TOP2B: variants seen among roughly 807,000 people sequenced by gnomAD.
TOP2B encodes DNA topoisomerase 2-beta.
TOP2B carries 51 observed loss-of-function variants against 193.5 expected under a neutral mutation model. The observed-to-expected ratio is 0.26, with a 90% CI of 0.21 to 0.33. The LOEUF is 0.33. Among genes scored for constraint, TOP2B ranks in the 10% least tolerant of loss-of-function variants. The pLI, the probability that TOP2B is intolerant of heterozygous loss-of-function variation, is 1.00. For synonymous variants in TOP2B, 634 were observed against 635.7 expected (o/e 1.00, Z 0.04); for missense variants, 1,378 against 1,909.3 (o/e 0.72, Z 5.19).
rs774212285 is a variant in TOP2B at position 25,627,196 on chromosome 3, G to A, written c.2007C>T (p.Ala669=). Residue 669 remains alanine (A), a synonymous_variant, in exon 16 of 36, where the codon GCC becomes GCT. Transcript: ENST00000264331. Reference sequence around the variant, plus strand: ...AAATTAACTTAATTACCAAGGTAATGGCAGCATCATCTTCAGGACCAGCAT... The same window carrying A: ...AAATTAACTTAATTACCAAGGTAATAGCAGCATCATCTTCAGGACCAGCAT... ...FRYAGPEDDA[A]ITLAFSKKKI... is the part of the protein sequence containing the mutation. 1.3e-6 allele frequency: 2 copies of A among 1,598,148 alleles called. No homozygotes were observed. The highest frequency in any genetic ancestry group is 1.7e-6 in the Non-Finnish European group (2 of 1,173,884).
chr3:25,620,598 C>A (rs1575569889), intron 22 of TOP2B, 84 bp downstream of exon 22: 1 of 1,452,982 alleles, frequency 6.9e-7, no homozygotes, highest in African/African-American at 1.4e-5. Context: ...ACGCTTAGGA[C>A]CAACAACGGT....
chr3:25,620,868 A>G (rs925431649), intron 21 of TOP2B, 52 bp from the exon 22 acceptor site: 8 of 1,581,730 alleles, frequency 5.1e-6, no homozygotes, highest in Non-Finnish European at 5.2e-6. Flanking sequence ...TACCAGTACC[A>G]TGAGTCTATG....
At chr3:25,636,931 A>C (rs929055843) in intron 6 of TOP2B, among the ~76,000 whole-genome samples, 1 of 152,066 alleles carries the variant, frequency 6.6e-6, no homozygotes, top group Non-Finnish European at 1.5e-5. Context: ...TTGCATGTAC[A>C]TGAGTCTGCG....
chr3:25,628,171 T>TA (rs11444499), intron 15 of TOP2B, among the ~76,000 whole-genome samples: 42,295 of 130,070 alleles, frequency 0.33, 6,678 homozygotes, highest in Admixed American at 0.42. Context: ...TAACATTATT[T>TA]AAAAAAAAAA....
At chr3:25,618,014 A>T (rs1702551010) in intron 25 of TOP2B, 1 of 166,338 alleles carries the variant, frequency 6.0e-6, no homozygotes. Context: ...AAACCAGATC[A>T]AGTGAGTGGT....
chr3:25,605,878 G>C (rs1450927694), intron 32 of TOP2B, among the ~76,000 whole-genome samples, 165 bp downstream of exon 32: 1 of 151,980 alleles, frequency 6.6e-6, no homozygotes, highest in African/African-American at 2.4e-5. Flanking sequence ...AATCACCTCA[G>C]AAAAAGTAAA....
chr3:25,650,543 G>C (rs1703557057), intron 1 of TOP2B, among the ~76,000 whole-genome samples: 1 of 152,182 alleles, frequency 6.6e-6, no homozygotes, highest in Non-Finnish European at 1.5e-5. Context: ...CTTTGCTCTT[G>C]TCTGCAGCTG....
At position 25,664,849 on chromosome 3, in the gene TOP2B, A is replaced by AGCCGCC. The variant is rs531285869; in HGVS notation, c.-558_-553dup. On this transcript the variant is annotated 5_prime_UTR_variant, in exon 1 of 36. Transcript: ENST00000264331. The stretch of plus-strand genomic sequence containing the variant: ...ACACACCGAGAGGGACAATAAACAG[A>AGCCGCC]GCCGCCGCCGCCGCCGCCACGGTCA... 116 of 989,654 alleles carry AGCCGCC rather than the reference A, an allele frequency of 1.2e-4. No homozygotes were observed. The highest frequency in any genetic ancestry group is 9.4e-4 in the African/African-American group (53 of 56,674). 61.3% of individuals were successfully genotyped at this position (989,654 alleles called of 1,614,324 possible).
At chr3:25,628,078 A>C (rs928135432) in intron 15 of TOP2B, among the ~76,000 whole-genome samples, 5 of 150,320 alleles carry the variant, frequency 3.3e-5, no homozygotes, top group African/African-American at 1.2e-4. Flanking sequence ...TTAAAAAAAA[A>C]CGAAATAAAA....
intron 21 of TOP2B, among the ~76,000 whole-genome samples, chr3:25,623,055 GGTGTGAGCCA>G (rs1702702260): frequency 6.6e-6 from 1 of 152,182 alleles, no homozygotes; most frequent in Non-Finnish European, 1.5e-5. Flanking sequence ...TGGAATTACA[GGTGTGAGCCA>G]CCACGCCCAG....
At chr3:25,600,571 A>G (rs541955161) in intron 34 of TOP2B, among the ~76,000 whole-genome samples, 1 of 152,020 alleles carries the variant, frequency 6.6e-6, no homozygotes, top group Non-Finnish European at 1.5e-5. Context: ...AGCTACCCTC[A>G]CAGCATGAGC....
At chr3:25,645,611 A>G (rs1389402987) in intron 1 of TOP2B, 141 bp from the exon 2 acceptor site, 5 of 650,092 alleles carry the variant, frequency 7.7e-6, no homozygotes, top group African/African-American at 3.7e-5. Flanking sequence ...ACACAGGTCT[A>G]TTTACTGACC....
At chr3:25,612,396 C>T (rs1481731217) in intron 28 of TOP2B, 119 bp downstream of exon 28, 10 of 713,064 alleles carry the variant, frequency 1.4e-5, no homozygotes, top group South Asian at 6.0e-5. Context: ...TTTCCTATTA[C>T]CATTGAAATA....
chr3:25,631,209 C>T (rs985175501), intron 10 of TOP2B, among the ~76,000 whole-genome samples: 9 of 152,066 alleles, frequency 5.9e-5, no homozygotes, highest in Admixed American at 4.6e-4. Context: ...ATATGCATTG[C>T]TCTTGTTACA....
intron 23 of TOP2B, among the ~76,000 whole-genome samples, chr3:25,619,168 A>C (rs536723929): frequency 1.2e-4 from 18 of 152,188 alleles, no homozygotes; most frequent in Admixed American, 2.6e-4. Context: ...ATTTTTCCCC[A>C]AACTGAAAAC....
In TOP2B at chr3:25,638,158, A is replaced by T. The variant is rs181062957; in HGVS notation, c.541+7T>A. ...ATTTTTCAACCAAAATTCCATTCAG[A>T]CTTTACCTGTAACTTTTTTCTCATC... is the stretch of plus-strand genomic sequence containing the variant. On this transcript the variant is annotated splice_region_variant and intron_variant, in intron 5 of 35. Transcript: ENST00000264331. 31 of 1,563,340 alleles carry T rather than the reference A, an allele frequency of 2.0e-5. No homozygotes were observed. In the Admixed American group the frequency reaches 5.5e-4, roughly 28 times the overall value.
rs143887840 is a variant in TOP2B at position 25,643,434 on chromosome 3, T to G, written c.331+260A>C. On this transcript the variant is annotated intron_variant, in intron 3 of 35. Transcript: ENST00000264331. ...CTAGCATATCCCAGATGACTACACATAGAGGAGTACAGACCAACTATGGGA... is the reference window on the plus strand; with the variant it reads ...CTAGCATATCCCAGATGACTACACAGAGAGGAGTACAGACCAACTATGGGA... 3.2e-3 allele frequency among the ~76,000 whole-genome samples: 481 copies of G among 152,246 alleles called. 1 individual carries two copies. The highest frequency in any genetic ancestry group is 4.7e-3 in the Admixed American group (72 of 15,300).
chr3:25,639,892 A>G (rs992791056), intron 4 of TOP2B, among the ~76,000 whole-genome samples: 5 of 152,226 alleles, frequency 3.3e-5, no homozygotes, highest in African/African-American at 1.2e-4. Flanking sequence ...TACTTTGTCC[A>G]TTAGCTATTA....
At chr3:25,648,660 A>G (rs1167199096) in intron 1 of TOP2B, among the ~76,000 whole-genome samples, 3 of 152,162 alleles carry the variant, frequency 2.0e-5, no homozygotes, top group Non-Finnish European at 4.4e-5. Context: ...GCTCAAAACC[A>G]GTCTGTGCAA....
Sources: gnomAD v4.1 joint callset for allele counts (sites outside exome capture counted in the v4.1 genomes callset) on GRCh38, gnomAD v4.1.1 for gene constraint, MANE v1.5 for transcripts, NCBI Gene and HGNC (gene_info 2026-07-23, HGNC 2026-07-21) for gene names.